Variants in ASPRV1 observed in about 807,000 individuals in gnomAD.
The protein encoded by ASPRV1 is retroviral-like aspartic protease 1.
Under a neutral mutation model 11.0 loss-of-function variants are expected in ASPRV1, and 7 were observed. The observed-to-expected ratio is 0.64, with a 90% CI of 0.36 to 1.20. The LOEUF is 1.20. Ranked by LOEUF, ASPRV1 falls within the 50% of genes most tolerant of loss-of-function variation. The pLI is 0.02. For synonymous variants in ASPRV1, 136 were observed against 138.4 expected (o/e 0.98, Z 0.12); for missense variants, 299 against 320.0 (o/e 0.93, Z 0.50).
the ASPRV1 span, among the ~76,000 whole-genome samples, chr2:69,950,779 T>G: frequency 2.0e-5 from 3 of 150,454 alleles, no homozygotes; most frequent in Non-Finnish European, 4.4e-5. Flanking sequence ...GGAGGTGGAG[T>G]TTGCAGTGAG....
the ASPRV1 span, among the ~76,000 whole-genome samples, chr2:69,999,342 A>G: frequency 1.3e-5 from 2 of 152,132 alleles, no homozygotes; most frequent in African/African-American, 4.8e-5. Flanking sequence ...ATATTAATAT[A>G]AATTCTGCAG....
At chr2:69,936,016 A>G in the ASPRV1 span, among the ~76,000 whole-genome samples, 1 of 151,792 alleles carries the variant, frequency 6.6e-6, no homozygotes, top group African/African-American at 2.4e-5. Context: ...TTGTTCCCCA[A>G]TTCCCCTTTC....
At chr2:70,086,298 G>C in the ASPRV1 span, 4 of 152,314 alleles carry the variant, frequency 2.6e-5, no homozygotes, top group African/African-American at 9.6e-5. Flanking sequence ...CCGCCCCAAG[G>C]GTAAGGAACA....
chr2:70,038,022 C>G, the ASPRV1 span, among the ~76,000 whole-genome samples: 1 of 152,134 alleles, frequency 6.6e-6, no homozygotes, highest in Non-Finnish European at 1.5e-5. Flanking sequence ...TTCTTCTGCC[C>G]AGTTGGACTA....
the ASPRV1 span, among the ~76,000 whole-genome samples, chr2:70,086,791 C>T: frequency 1.3e-5 from 2 of 152,380 alleles, no homozygotes; most frequent in African/African-American, 2.4e-5. Context: ...GGACGCCATT[C>T]TTTTTAGGAC....
At chr2:69,945,201 T>C in the ASPRV1 span, among the ~76,000 whole-genome samples, 1 of 151,800 alleles carries the variant, frequency 6.6e-6, no homozygotes, top group African/African-American at 2.4e-5. Flanking sequence ...ATTGTACCAC[T>C]ACACTCCAGC....
At chr2:70,063,204 C>T in the ASPRV1 span, among the ~76,000 whole-genome samples, 1 of 152,208 alleles carries the variant, frequency 6.6e-6, no homozygotes, top group Non-Finnish European at 1.5e-5. Flanking sequence ...GGGACTAGCG[C>T]TACCCCTCAA....
chr2:70,065,172 G>A, the ASPRV1 span, among the ~76,000 whole-genome samples: 97 of 152,022 alleles, frequency 6.4e-4, no homozygotes, highest in African/African-American at 2.2e-3. Flanking sequence ...ACTTTGGGAG[G>A]TTGAGGCGGG....
the ASPRV1 span, among the ~76,000 whole-genome samples, chr2:70,042,457 T>TA: frequency 6.6e-6 from 1 of 152,304 alleles, no homozygotes; most frequent in East Asian, 1.9e-4. Flanking sequence ...GGTGAGGGAC[T>TA]GACAGCAGGG....
the ASPRV1 span, among the ~76,000 whole-genome samples, chr2:70,033,591 C>T: frequency 1.2e-4 from 18 of 152,122 alleles, no homozygotes; most frequent in Non-Finnish European, 2.2e-4. Flanking sequence ...CCTTGATCAG[C>T]ACCGAGGAAC....
At position 69,961,631 on chromosome 2, in the gene ASPRV1, T is replaced by C; in HGVS notation, c.-195A>G. 1 of 1,598,906 alleles carries C rather than the reference T, an allele frequency of 6.3e-7. No homozygotes were observed. Among genetic ancestry groups the C allele is most frequent in the South Asian group, 1.1e-5 (1 of 88,874 alleles). On this transcript the variant is annotated 5_prime_UTR_variant, in exon 1 of 1. Transcript: ENST00000320256. Reference sequence around the variant, plus strand: ...GCTGGGGCAGAGGCAGGCAGTGCTGTGGCCTGTTCACTCTGCAGAGCCTTT... The same window carrying C: ...GCTGGGGCAGAGGCAGGCAGTGCTGCGGCCTGTTCACTCTGCAGAGCCTTT...
chr2:70,021,828 G>C, the ASPRV1 span, among the ~76,000 whole-genome samples: 3 of 151,434 alleles, frequency 2.0e-5, no homozygotes, highest in Admixed American at 2.0e-4. Flanking sequence ...TCAGCCTCCT[G>C]AGTAGCTGGG....
chr2:69,964,464 G>A (rs1257543304), upstream of ASPRV1: 1 of 367,150 alleles, frequency 2.7e-6, no homozygotes, highest in Admixed American at 3.5e-5. Flanking sequence ...CAGTTCTCAA[G>A]TTCCCTTATG....
the ASPRV1 span, chr2:70,015,666 T>TA: frequency 1.3e-5 from 2 of 152,116 alleles, no homozygotes; most frequent in Admixed American, 6.6e-5. Context: ...AATACAATAA[T>TA]AGTAGGGGAC....
chr2:70,045,241 A>C, the ASPRV1 span: 2 of 152,186 alleles, frequency 1.3e-5, no homozygotes, highest in Non-Finnish European at 2.9e-5. Flanking sequence ...CGTTGTACAG[A>C]CTTGAGGAGA....
the ASPRV1 span, among the ~76,000 whole-genome samples, chr2:69,983,014 G>A: frequency 3.3e-5 from 5 of 152,118 alleles, no homozygotes; most frequent in African/African-American, 4.8e-5. Flanking sequence ...CATCTCCAGC[G>A]TTCAAGTGAT....
At chr2:69,982,514 G>C in the ASPRV1 span, among the ~76,000 whole-genome samples, 2 of 152,170 alleles carry the variant, frequency 1.3e-5, no homozygotes, top group African/African-American at 2.4e-5. Context: ...TAATTGATCA[G>C]AGCTTTCTGG....
chr2:70,041,107 G>T, the ASPRV1 span, among the ~76,000 whole-genome samples: 1 of 152,174 alleles, frequency 6.6e-6, no homozygotes, highest in Non-Finnish European at 1.5e-5. Flanking sequence ...TAAGGACATG[G>T]TCCATCCATA....
the ASPRV1 span, among the ~76,000 whole-genome samples, chr2:69,992,304 T>C: frequency 1.3e-5 from 2 of 152,182 alleles, no homozygotes; most frequent in African/African-American, 4.8e-5. Flanking sequence ...AACAGACCAA[T>C]AAGGAAGCAA....
Sources: gnomAD v4.1 joint callset for allele counts (sites outside exome capture counted in the v4.1 genomes callset) on GRCh38, gnomAD v4.1.1 for gene constraint, MANE v1.5 for transcripts, NCBI Gene and HGNC (gene_info 2026-07-23, HGNC 2026-07-21) for gene names.